Variants in CD9 observed in about 807,000 individuals in gnomAD.
CD9 encodes CD9 antigen.
A neutral mutation model predicts 31.4 loss-of-function variants in CD9; 10 were observed. That is an observed-to-expected ratio of 0.32 (90% CI 0.20 to 0.54). The LOEUF (loss-of-function observed/expected upper bound fraction) is 0.54, where lower values mean the gene tolerates loss of function less well. Ranked by LOEUF, CD9 falls within the 20% of genes least tolerant of loss-of-function variation. The probability of loss-of-function intolerance (pLI) is 0.94; values close to 1 mark genes in which losing one functional copy is unlikely to be tolerated. For synonymous variants in CD9, 113 were observed against 114.1 expected (o/e 0.99, Z 0.06); for missense variants, 259 against 300.1 (o/e 0.86, Z 1.01).
intron 4 of CD9, 33 bp from the exon 5 acceptor site, chr12:6,235,196 C>T (rs150312998): frequency 7.1e-5 from 102 of 1,436,640 alleles, no homozygotes; most frequent in East Asian, 5.5e-4. Context: ...GTGAAAATGC[C>T]GTCTCTGCCC....
chr12:6,235,685 C>A, intron 6 of CD9, 120 bp downstream of exon 6: 2 of 1,443,010 alleles, frequency 1.4e-6, no homozygotes, highest in Non-Finnish European at 1.8e-6. Flanking sequence ...TGTGAAAGGG[C>A]CCCAGGGCAC....
intron 6 of CD9, 24 bp downstream of exon 6, chr12:6,235,589 T>G: frequency 6.3e-7 from 1 of 1,595,694 alleles, no homozygotes. Flanking sequence ...AGGATCCTGG[T>G]GTCCCTGCCC....
At chr12:6,236,360 C>G (rs1381940270) in intron 7 of CD9, 85 bp downstream of exon 7, 1 of 1,204,906 alleles carries the variant, frequency 8.3e-7, no homozygotes, top group Non-Finnish European at 1.2e-6. Flanking sequence ...CCGCCGCACT[C>G]TGTGCATTTG....
chr12:6,223,347 C>T (rs1174867938), intron 1 of CD9, among the ~76,000 whole-genome samples: 9 of 151,972 alleles, frequency 5.9e-5, no homozygotes, highest in Non-Finnish European at 1.0e-4. Flanking sequence ...CTGCAAGCTC[C>T]GCCTCCCGGG....
chr12:6,221,486 G>A (rs377719390), intron 1 of CD9, among the ~76,000 whole-genome samples: 19 of 152,164 alleles, frequency 1.2e-4, no homozygotes, highest in Non-Finnish European at 2.1e-4. Context: ...GGCAGCCATC[G>A]AAGAAATTAC....
At chr12:6,235,887 T>A (rs973697721) in intron 6 of CD9, 3 of 1,364,706 alleles carry the variant, frequency 2.2e-6, no homozygotes, top group Non-Finnish European at 2.8e-6. Flanking sequence ...TAAGCCAGAG[T>A]TAATGTCCAA....
rs1044461663 is a variant in CD9, at chr12:6,220,465, C to T, written c.67-4961C>T. Among the ~76,000 whole-genome samples, 108 of 152,200 alleles carry T rather than the reference C, an allele frequency of 7.1e-4. 1 individual carries two copies. Among genetic ancestry groups the T allele is most frequent in the African/African-American group, 2.4e-3 (100 of 41,520 alleles). On this transcript the variant is annotated intron_variant, in intron 1 of 7. Transcript: ENST00000009180. ...AGTGAGGACTTGGAGGTGGTTAAGACGCCAGCTCAGGGGTGAAAGGAAAGC... is the reference window on the plus strand; with the variant it reads ...AGTGAGGACTTGGAGGTGGTTAAGATGCCAGCTCAGGGGTGAAAGGAAAGC...
intron 4 of CD9, among the ~76,000 whole-genome samples, 168 bp from the exon 5 acceptor site, chr12:6,235,061 C>T (rs1413915815): frequency 1.3e-5 from 2 of 152,150 alleles, no homozygotes; most frequent in Non-Finnish European, 1.5e-5. Flanking sequence ...GCCCAAAGGC[C>T]CTGAGAGAAG....
chr12:6,204,690 G>A (rs916502439), intron 1 of CD9, among the ~76,000 whole-genome samples: 2 of 152,220 alleles, frequency 1.3e-5, no homozygotes, highest in Admixed American at 1.3e-4. Flanking sequence ...TAAATGGGGA[G>A]TATGTGTAGT....
intron 1 of CD9, among the ~76,000 whole-genome samples, chr12:6,215,756 T>C (rs1391609614): frequency 1.3e-5 from 2 of 152,214 alleles, no homozygotes; most frequent in South Asian, 4.1e-4. Context: ...TCAACTTGGC[T>C]GTAGTAAAAC....
At chr12:6,213,973 C>G (rs1038559388) in intron 1 of CD9, among the ~76,000 whole-genome samples, 6 of 152,208 alleles carry the variant, frequency 3.9e-5, no homozygotes, top group Non-Finnish European at 8.8e-5. Flanking sequence ...AAATTCAACA[C>G]GTCCAAGCCT....
At chr12:6,220,977 G>A (rs1030684571) in intron 1 of CD9, among the ~76,000 whole-genome samples, 33 of 152,160 alleles carry the variant, frequency 2.2e-4, no homozygotes, top group Admixed American at 7.9e-4. Flanking sequence ...CAGTTGTCAT[G>A]CCCCCTCAGT....
Position 6,233,408 on chromosome 12 carries a change from C to A in CD9, c.274-4C>A. ...TCTCACCCCGTCCCCTCGTTGCCTT[C>A]CAGTTCTTCGGCTTCCTCTTGGTGA... is the stretch of plus-strand genomic sequence containing the variant. On this transcript the variant is annotated splice_polypyrimidine_tract_variant and splice_region_variant and intron_variant, in intron 3 of 7. Transcript: ENST00000009180. 6.2e-7 allele frequency: 1 copy of A among 1,613,324 alleles called. No homozygotes were observed.
At chr12:6,230,162 G>C (rs1030561804) in intron 2 of CD9, among the ~76,000 whole-genome samples, 3 of 152,272 alleles carry the variant, frequency 2.0e-5, no homozygotes, top group Non-Finnish European at 2.9e-5. Context: ...GCCGGCTGCT[G>C]CTGAGTCCCC....
intron 1 of CD9, among the ~76,000 whole-genome samples, chr12:6,205,437 C>A (rs765077655): frequency 1.3e-5 from 2 of 152,166 alleles, no homozygotes; most frequent in Non-Finnish European, 2.9e-5. Flanking sequence ...GGCTCCAGCC[C>A]GAATTTGGGA....
intron 1 of CD9, among the ~76,000 whole-genome samples, chr12:6,215,790 G>A (rs1388892148): frequency 6.6e-6 from 1 of 152,194 alleles, no homozygotes; most frequent in East Asian, 1.9e-4. Flanking sequence ...ATGCCCTGTT[G>A]TCATCTAGAA....
chr12:6,228,713 C>T (rs374482940), intron 2 of CD9, among the ~76,000 whole-genome samples: 3 of 152,218 alleles, frequency 2.0e-5, no homozygotes, highest in African/African-American at 4.8e-5. Context: ...CCCTTCCCCA[C>T]GAGGCTGTGA....
rs569393189 is a variant in CD9 at position 6,237,846 on chromosome 12, G to C, written c.*18G>C. ...TGGTCTAGAGTCAGCTTACATCCCT[G>C]AGCAGGAAAGTTTACCCATGAAGAT... On this transcript the variant is annotated 3_prime_UTR_variant, in exon 8 of 8. Coordinates refer to ENST00000009180, the MANE Select transcript of CD9 (RefSeq NM_001769.4). 1.2e-5 allele frequency: 19 copies of C among 1,588,394 alleles called. 1 individual carries two copies. The South Asian group carries it at 2.1e-4, about 18-fold the overall frequency.
In CD9 at chr12:6,236,050, C is replaced by T; in HGVS notation, c.538-142C>T. On this transcript the variant is annotated intron_variant, in intron 6 of 7. Coordinates refer to ENST00000009180, the MANE Select transcript of CD9 (RefSeq NM_001769.4). ...TCCCCTTTCCATCCACCAGCCAGAACTTCTCTTATCCCCGAACACTCCTGT... is the reference window on the plus strand; with the variant it reads ...TCCCCTTTCCATCCACCAGCCAGAATTTCTCTTATCCCCGAACACTCCTGT... 2.8e-6 allele frequency: 4 copies of T among 1,452,110 alleles called. No homozygotes were observed. The South Asian group carries it at 4.4e-5, about 16-fold the overall frequency. The allele number at this position is 1,452,110 out of a possible 1,614,324, so 90.0% of individuals were successfully genotyped here. A position where few individuals can be genotyped will look rare whatever the true frequency, so the allele number is the denominator to read the frequency against.
Sources: gnomAD v4.1 joint callset for allele counts (sites outside exome capture counted in the v4.1 genomes callset) on GRCh38, gnomAD v4.1.1 for gene constraint, MANE v1.5 for transcripts, NCBI Gene and HGNC (gene_info 2026-07-23, HGNC 2026-07-21) for gene names.